Variants in PACRG observed in about 807,000 individuals in gnomAD.
PACRG encodes parkin coregulated gene protein.
In PACRG, 29 loss-of-function variants were observed where a neutral mutation model predicts 29.7. That is an observed-to-expected ratio of 0.98 (90% CI 0.73 to 1.33). The LOEUF is 1.33. Ranked by LOEUF, PACRG falls within the 40% of genes most tolerant of loss-of-function variation. The probability of loss-of-function intolerance (pLI) is 0.00; values close to 1 mark genes in which losing one functional copy is unlikely to be tolerated. For synonymous variants in PACRG, 116 were observed against 118.7 expected, an observed-to-expected ratio of 0.98 and a Z score of 0.15; for missense variants, 279 against 316.2, an observed-to-expected ratio of 0.88 and a Z score of 0.89.
intron 4 of PACRG, among the ~76,000 whole-genome samples, chr6:163,129,450 T>G (rs1459604411): frequency 6.6e-6 from 1 of 152,166 alleles, no homozygotes; most frequent in South Asian, 2.1e-4. Context: ...GCCCTCACCA[T>G]CAGGGCACAA....
At chr6:162,964,022 A>G (rs1238068918) in intron 2 of PACRG, among the ~76,000 whole-genome samples, 2 of 152,074 alleles carry the variant, frequency 1.3e-5, no homozygotes, top group Non-Finnish European at 2.9e-5. Flanking sequence ...GAAATCAGTA[A>G]ATACTTATTT....
intron 2 of PACRG, among the ~76,000 whole-genome samples, chr6:162,989,236 T>A (rs890630158): frequency 3.9e-5 from 6 of 152,098 alleles, no homozygotes; most frequent in Middle Eastern, 3.2e-3. Flanking sequence ...ATGCTCTAGG[T>A]CACAACAGCA....
chr6:163,272,889 A>ATTTTTTTT (rs1301093605), intron 4 of PACRG, among the ~76,000 whole-genome samples: 2 of 117,390 alleles, frequency 1.7e-5, no homozygotes, highest in African/African-American at 3.6e-5. Flanking sequence ...ATGATGCATC[A>ATTTTTTTT]TTCTTTTTTT....
chr6:163,287,040 G>A (rs1784427789), intron 4 of PACRG, among the ~76,000 whole-genome samples: 1 of 152,146 alleles, frequency 6.6e-6, no homozygotes, highest in Admixed American at 6.5e-5. Flanking sequence ...GTGTGTGTGT[G>A]TGTCTTCCCT....
At chr6:163,275,540 A>G (rs934403575) in intron 4 of PACRG, among the ~76,000 whole-genome samples, 12 of 152,186 alleles carry the variant, frequency 7.9e-5, no homozygotes, top group Admixed American at 2.0e-4. Flanking sequence ...TTTTATTTGA[A>G]GAACAGTCTT....
At chr6:163,075,193 T>G (rs1812434618) in intron 3 of PACRG, among the ~76,000 whole-genome samples, 1 of 152,068 alleles carries the variant, frequency 6.6e-6, no homozygotes, top group Non-Finnish European at 1.5e-5. Context: ...AACTGACACC[T>G]GAAAAATAGA....
intron 2 of PACRG, among the ~76,000 whole-genome samples, chr6:162,994,475 G>A (rs1400216101): frequency 9.3e-5 from 14 of 150,390 alleles, no homozygotes; most frequent in South Asian, 4.2e-4. Context: ...TTCCCTTCTC[G>A]CTTCATTTCA....
At chr6:163,156,722 C>T (rs186071619) in intron 4 of PACRG, among the ~76,000 whole-genome samples, 5 of 152,318 alleles carry the variant, frequency 3.3e-5, no homozygotes, top group South Asian at 4.1e-4. Context: ...TCTACAGAAC[C>T]GTGTCCCCTC....
intron 2 of PACRG, among the ~76,000 whole-genome samples, chr6:162,981,820 G>T (rs988129927): frequency 5.8e-4 from 88 of 150,552 alleles, no homozygotes; most frequent in Admixed American, 3.8e-3. Flanking sequence ...AAGGGGTTGA[G>T]TTCTTAAGCT....
chr6:163,282,047 AATT>A (rs761610693), intron 4 of PACRG, among the ~76,000 whole-genome samples: 8 of 152,180 alleles, frequency 5.3e-5, no homozygotes, highest in Admixed American at 1.3e-4. Flanking sequence ...ACTTTTTTAA[AATT>A]ATTGTTTGGG....
intron 4 of PACRG, among the ~76,000 whole-genome samples, chr6:163,224,788 T>C (rs1781723420): frequency 6.7e-6 from 1 of 149,520 alleles, no homozygotes; most frequent in African/African-American, 2.5e-5. Flanking sequence ...TTGTTGTTGT[T>C]GTTGTTGTTT....
chr6:163,088,118 CAG>C (rs1327853167), intron 3 of PACRG, among the ~76,000 whole-genome samples: 2 of 152,092 alleles, frequency 1.3e-5, no homozygotes, highest in Admixed American at 6.5e-5. Flanking sequence ...TGGCAAGATC[CAG>C]GCTGATGGAA....
intron 2 of PACRG, among the ~76,000 whole-genome samples, chr6:162,980,374 A>G (rs1802311392): frequency 6.6e-6 from 1 of 152,130 alleles, no homozygotes; most frequent in South Asian, 2.1e-4. Context: ...GCTTTTCAGT[A>G]GGGGCAGTTG....
In PACRG at chr6:163,022,585, G is replaced by A. The variant is rs186551659; in HGVS notation, c.292-39565G>A. On this transcript the variant is annotated intron_variant, in intron 2 of 4. Coordinates refer to ENST00000366888, the MANE Select transcript of PACRG (RefSeq NM_001080379.2). The stretch of plus-strand genomic sequence containing the variant: ...TAACAGGAGTGTCCCAGGAAACACC[G>A]AAATCCATCTAAGCAGGCGACATGC... 3.9e-4 allele frequency among the ~76,000 whole-genome samples: 60 copies of A among 152,316 alleles called. 1 individual carries two copies. Among genetic ancestry groups the A allele is most frequent in the Admixed American group, 2.9e-3 (44 of 15,306 alleles).
intron 4 of PACRG, among the ~76,000 whole-genome samples, chr6:163,309,777 A>G (rs901449869): frequency 6.6e-6 from 1 of 151,924 alleles, no homozygotes; most frequent in African/African-American, 2.4e-5. Flanking sequence ...GGACCTGACA[A>G]CTCTGCCTTC....
intron 4 of PACRG, among the ~76,000 whole-genome samples, chr6:163,223,373 A>C (rs112865224): frequency 0.013 from 1,949 of 152,288 alleles, 22 homozygotes; most frequent in Middle Eastern, 0.037. Context: ...CAGCCTGGGC[A>C]AAAAGAGTGA....
intron 1 of PACRG, among the ~76,000 whole-genome samples, chr6:162,803,131 C>A (rs1409803304): frequency 6.6e-6 from 1 of 152,064 alleles, no homozygotes; most frequent in Non-Finnish European, 1.5e-5. Flanking sequence ...AGGATCAAAC[C>A]CCACTTCACA....
rs115845217 is a variant in PACRG, at chr6:162,838,276, G to C, written c.291+23995G>C. Among the ~76,000 whole-genome samples the C allele has an allele frequency of 3.6e-3, 553 of 152,286 alleles. 2 individuals are homozygous for C. The highest frequency in any genetic ancestry group is 0.013 in the African/African-American group (525 of 41,568). On this transcript the variant is annotated intron_variant, in intron 2 of 4. Transcript: ENST00000366888. ...TCCAGTGGGTCATGGACAGGCCTCT[G>C]CTCCAGGCAGTCACTCAGGGACCTA...
chr6:162,768,807 T>C (rs772392443), intron 1 of PACRG, among the ~76,000 whole-genome samples: 5 of 152,160 alleles, frequency 3.3e-5, no homozygotes, highest in Non-Finnish European at 7.4e-5. Flanking sequence ...AACTATAACC[T>C]AAATCCACAC....
Sources: gnomAD v4.1 joint callset for allele counts (sites outside exome capture counted in the v4.1 genomes callset) on GRCh38, gnomAD v4.1.1 for gene constraint, MANE v1.5 for transcripts, NCBI Gene and HGNC (gene_info 2026-07-23, HGNC 2026-07-21) for gene names.